Variants in FGD4 observed in about 807,000 individuals in gnomAD.
FGD4 encodes the protein FYVE, RhoGEF and PH domain containing 4, also known as FYVE, RhoGEF and PH domain-containing protein 4.
Under a neutral mutation model 102.0 loss-of-function variants are expected in FGD4, and 42 were observed. That is an observed-to-expected ratio of 0.41 (90% confidence interval 0.32 to 0.53). The LOEUF (loss-of-function observed/expected upper bound fraction) is 0.53, where lower values mean the gene tolerates loss of function less well. Among genes scored for constraint, FGD4 ranks in the 20% least tolerant of loss-of-function variants. The pLI, the probability that FGD4 is intolerant of heterozygous loss-of-function variation, is 0.21. For synonymous variants in FGD4, 380 were observed against 375.7 expected (o/e 1.01, Z -0.13); for missense variants, 902 against 1,078.2 (o/e 0.84, Z 2.29).
chr12:32,530,337 G>A lies in FGD4; in HGVS notation c.167-33800G>A, dbSNP rs533556330. ...GTCTCTACTAAAAAAACGAAAATTAGCCAGGCCTGGTGGCACGTGTCTATA... is the reference window on the plus strand; with the variant it reads ...GTCTCTACTAAAAAAACGAAAATTAACCAGGCCTGGTGGCACGTGTCTATA... On this transcript the variant is annotated intron_variant, in intron 1 of 16. Coordinates refer to ENST00000534526, the MANE Select transcript of FGD4 (RefSeq NM_001370298.3). 1.3e-3 allele frequency among the ~76,000 whole-genome samples: 195 copies of A among 152,140 alleles called. 6 individuals carry two copies. In the South Asian group the frequency reaches 0.039, roughly 31 times the overall value.
chr12:32,613,224 G>A (rs963289274), intron 10 of FGD4, among the ~76,000 whole-genome samples: 2 of 152,136 alleles, frequency 1.3e-5, no homozygotes, highest in African/African-American at 2.4e-5. Flanking sequence ...AGTTGTCATG[G>A]GGGCTTAGAG....
Position 32,640,374 on chromosome 12 carries a change from T to C in FGD4, c.2553T>C (p.Ser851=). 6.2e-7 allele frequency: 1 copy of C among 1,614,176 alleles called. No homozygotes were observed. The highest frequency in any genetic ancestry group is 8.5e-7 in the Non-Finnish European group (1 of 1,180,036). The change falls in exon 17 of 17, where the codon TCT becomes TCC. Residue 851 remains serine, a synonymous_variant. Transcript: ENST00000534526. ...DLPHSFKLTQ[S]KSVHSFAADS... ...CACACAGTTTCAAACTGACCCAGTC[T>C]AAGTCCGTGCACAGCTTTGCTGCAG...
chr12:32,434,893 C>T (rs1047886432), intron 1 of FGD4, among the ~76,000 whole-genome samples: 5 of 152,074 alleles, frequency 3.3e-5, no homozygotes, highest in African/African-American at 9.7e-5. Context: ...GTGAATGATA[C>T]AAATTTCTTT....
At chr12:32,608,422 AC>A (rs1663527818) in intron 8 of FGD4, among the ~76,000 whole-genome samples, 1 of 152,272 alleles carries the variant, frequency 6.6e-6, no homozygotes, top group African/African-American at 2.4e-5. Flanking sequence ...ATTCAGAATT[AC>A]AAGTGCTCCT....
intron 4 of FGD4, among the ~76,000 whole-genome samples, chr12:32,590,224 C>T (rs1947355171): frequency 6.7e-6 from 1 of 149,098 alleles, no homozygotes; most frequent in Non-Finnish European, 1.5e-5. Flanking sequence ...GCAGGAGAAT[C>T]ACTTGAACCC....
intron 1 of FGD4, among the ~76,000 whole-genome samples, chr12:32,556,683 CCT>C (rs1030811535): frequency 1.3e-5 from 2 of 151,898 alleles, no homozygotes; most frequent in Non-Finnish European, 2.9e-5. Flanking sequence ...GTGGTGAAAC[CCT>C]GTCTCTACTA....
At chr12:32,520,992 C>T (rs138108164) in intron 1 of FGD4, among the ~76,000 whole-genome samples, 2 of 152,042 alleles carry the variant, frequency 1.3e-5, no homozygotes, top group African/African-American at 4.8e-5. Context: ...TTTGGTTCCT[C>T]GAGAAGGAAC....
rs369083502 is a variant in FGD4, at chr12:32,460,391, C to T, written c.166+60432C>T. On this transcript the variant is annotated intron_variant, in intron 1 of 16. Transcript: ENST00000534526. ...TTAGCCACTGGTGGTGGTGCGTGCC[C>T]GTAGCACCAGCTACTTGGGAGGCTG... 7.9e-5 allele frequency among the ~76,000 whole-genome samples: 12 copies of T among 151,652 alleles called. No homozygotes were observed. In the East Asian group the frequency reaches 1.6e-3, roughly 20 times the overall value.
intron 2 of FGD4, among the ~76,000 whole-genome samples, chr12:32,564,511 T>A (rs1945022482): frequency 6.6e-6 from 1 of 152,256 alleles, no homozygotes; most frequent in Admixed American, 6.5e-5. Context: ...CTTTTCATGT[T>A]GCTGAAATTG....
At chr12:32,483,995 C>T (rs1019548431) in intron 1 of FGD4, among the ~76,000 whole-genome samples, 4 of 152,128 alleles carry the variant, frequency 2.6e-5, no homozygotes, top group Non-Finnish European at 5.9e-5. Flanking sequence ...CTCTCAAAAT[C>T]ACCACTGCAT....
chr12:32,453,237 ATTTT>A (rs60006767), intron 1 of FGD4, among the ~76,000 whole-genome samples: 43 of 90,516 alleles, frequency 4.8e-4, no homozygotes, highest in South Asian at 2.5e-3. Flanking sequence ...ATATATATAT[ATTTT>A]TTTTTTTTTA....
intron 14 of FGD4, among the ~76,000 whole-genome samples, chr12:32,630,953 G>A (rs970635418): frequency 6.6e-6 from 1 of 151,946 alleles, no homozygotes; most frequent in African/African-American, 2.4e-5. Flanking sequence ...ACTCCAGCCT[G>A]GGTGACAGAC....
chr12:32,546,424 GA>G (rs1415011476), intron 1 of FGD4, among the ~76,000 whole-genome samples: 2 of 152,224 alleles, frequency 1.3e-5, no homozygotes, highest in Non-Finnish European at 2.9e-5. Flanking sequence ...AGTTGTGGTG[GA>G]AAGAGCAGTG....
intron 1 of FGD4, among the ~76,000 whole-genome samples, chr12:32,494,864 G>C (rs1235733438): frequency 1.3e-5 from 2 of 152,196 alleles, no homozygotes; most frequent in Admixed American, 1.3e-4. Context: ...GCTGAGGAGT[G>C]AATAAGAGGT....
chr12:32,407,030 C>T (rs1208478879), intron 1 of FGD4, among the ~76,000 whole-genome samples: 1 of 151,266 alleles, frequency 6.6e-6, no homozygotes, highest in Non-Finnish European at 1.5e-5. Context: ...CCAGGCTGGT[C>T]TTGAACTCCT....
chr12:32,440,797 C>A (rs929969805), intron 1 of FGD4, among the ~76,000 whole-genome samples: 11 of 152,170 alleles, frequency 7.2e-5, no homozygotes, highest in Admixed American at 3.3e-4. Context: ...GAACTAGAAT[C>A]AAAAACCTTA....
chr12:32,471,149 C>A (rs1943406297), intron 1 of FGD4, among the ~76,000 whole-genome samples: 1 of 152,188 alleles, frequency 6.6e-6, no homozygotes, highest in Admixed American at 6.5e-5. Context: ...AACCCCCACA[C>A]CAAGCTCTCA....
rs972193176 is a variant in FGD4 at position 32,563,205 on chromosome 12, G to C, written c.167-932G>C. The stretch of plus-strand genomic sequence containing the variant: ...CGGAGACGCTCCTCACTTCCCAGAG[G>C]GGGTGGCTGCCGGGCAGAGGGGCTC... On this transcript the variant is annotated intron_variant, in intron 1 of 16. Coordinates refer to ENST00000534526, the MANE Select transcript of FGD4 (RefSeq NM_001370298.3). Among the ~76,000 whole-genome samples the C allele has an allele frequency of 2.6e-5, 4 of 152,028 alleles. No homozygotes were observed. In the East Asian group the frequency reaches 7.8e-4, roughly 30 times the overall value.
intron 1 of FGD4, among the ~76,000 whole-genome samples, chr12:32,472,770 C>T (rs1275590774): frequency 1.3e-5 from 2 of 152,328 alleles, no homozygotes; most frequent in Admixed American, 6.5e-5. Flanking sequence ...CTGGTGGGGA[C>T]GTGGAGAGTC....
Sources: allele counts gnomAD v4.1 joint callset (sites outside exome capture counted in the v4.1 genomes callset), GRCh38; gene constraint gnomAD v4.1.1; transcripts MANE v1.5; gene names NCBI Gene and HGNC (gene_info 2026-07-23, HGNC 2026-07-21).